The following PAPOLA variants were observed in gnomAD, a reference collection of about 807,000 sequenced individuals.
PAPOLA encodes polynucleotide adenylyltransferase alpha.
In PAPOLA, 15 loss-of-function variants were observed where a neutral mutation model predicts 100.6. The ratio of observed to expected loss-of-function variants is 0.15; its 90% CI spans 0.10 to 0.23. The LOEUF (loss-of-function observed/expected upper bound fraction) is 0.23, where lower values mean the gene tolerates loss of function less well. Among genes scored for constraint, PAPOLA ranks in the 10% least tolerant of loss-of-function variants. PAPOLA has a pLI of 1.00. For synonymous variants in PAPOLA, 293 were observed against 300.0 expected (o/e 0.98, Z 0.24); for missense variants, 533 against 884.2 (o/e 0.60, Z 5.04).
In PAPOLA at chr14:96,542,936, T is replaced by G. The variant is rs770744279; in HGVS notation, c.1289+43T>G. 2.1e-5 allele frequency: 33 copies of G among 1,601,774 alleles called. No individual in the cohort carries two copies. The South Asian group carries it at 3.5e-4, about 17-fold the overall frequency. On this transcript the variant is annotated intron_variant, in intron 14 of 21. Transcript: ENST00000216277. ...TTAATTTCTTCTTCCCATTTCCAAT[T>G]TTTATTCATAGAAGCTTTTACAGGC... is the stretch of plus-strand genomic sequence containing the variant.
chr14:96,516,704 A>T (rs1897496153), intron 1 of PAPOLA, among the ~76,000 whole-genome samples: 1 of 152,208 alleles, frequency 6.6e-6, no homozygotes, highest in African/African-American at 2.4e-5. Context: ...AGTAATACTG[A>T]GGCTAGATGA....
At chr14:96,561,934 G>C (rs555524805) in intron 20 of PAPOLA, among the ~76,000 whole-genome samples, 3 of 148,560 alleles carry the variant, frequency 2.0e-5, no homozygotes, top group African/African-American at 7.5e-5. Context: ...TTGCTCTGTC[G>C]CCCAGGCTGG....
At chr14:96,546,117 C>T (rs777449593) in intron 15 of PAPOLA, among the ~76,000 whole-genome samples, 2 of 152,064 alleles carry the variant, frequency 1.3e-5, no homozygotes, top group Admixed American at 1.3e-4. Context: ...CAACCCCTAC[C>T]AGTTTCTTTT....
chr14:96,534,881 A>T (rs1202579178), intron 10 of PAPOLA: 3 of 1,061,340 alleles, frequency 2.8e-6, no homozygotes, highest in East Asian at 1.3e-4. Context: ...AAATAAAAGG[A>T]TACTAAAAAT....
Position 96,533,168 on chromosome 14 carries a change from C to A in PAPOLA, c.836+519C>A, listed in dbSNP as rs561623516. ...AAGGAATTTGAGATTAGTCATTAAC[C>A]CAGATTTTTTTAAGTTTCTTCGTTT... On this transcript the variant is annotated intron_variant, in intron 9 of 21. Transcript: ENST00000216277. 139 of 983,952 alleles carry A rather than the reference C, an allele frequency of 1.4e-4. No homozygotes were observed. The African/African-American group carries it at 2.2e-3, about 15-fold the overall frequency. 61.0% of individuals were successfully genotyped at this position (983,952 alleles called of 1,614,324 possible).
At position 96,528,097 on chromosome 14, in the gene PAPOLA, T is replaced by C. The variant is rs1898652434; in HGVS notation, c.495+91T>C. 7 of 804,482 alleles carry C rather than the reference T, an allele frequency of 8.7e-6. No individual in the cohort carries two copies. The Admixed American group carries it at 1.2e-4, about 14-fold the overall frequency. 49.8% of individuals were successfully genotyped at this position (804,482 alleles called of 1,614,324 possible). ...AAAAACTTGGTTTAAAGTTTATAATTAGTGAGTTGGTTGTGATATTAATAA... is the reference window on the plus strand; with the variant it reads ...AAAAACTTGGTTTAAAGTTTATAATCAGTGAGTTGGTTGTGATATTAATAA... On this transcript the variant is annotated intron_variant, in intron 6 of 21. Transcript: ENST00000216277.
chr14:96,535,515 A>G, intron 10 of PAPOLA: 1 of 989,608 alleles, frequency 1.0e-6, no homozygotes, highest in Non-Finnish European at 1.2e-6. Flanking sequence ...AGCTTACAAA[A>G]CATTGTAGCA....
At chr14:96,535,815 T>G in intron 10 of PAPOLA, 64 bp from the exon 11 acceptor site, 2 of 1,352,140 alleles carry the variant, frequency 1.5e-6, no homozygotes, top group Non-Finnish European at 1.9e-6. Context: ...TAACAAGGGG[T>G]AAAAAGCCCA....
intron 12 of PAPOLA, chr14:96,541,966 T>C (rs1444925963): frequency 1.7e-5 from 4 of 230,182 alleles, no homozygotes; most frequent in Non-Finnish European, 2.6e-5. Context: ...ATCGGTGTCA[T>C]TGAGCAAAAT....
At chr14:96,522,482 CTA>C (rs1353108016) in intron 3 of PAPOLA, among the ~76,000 whole-genome samples, 1 of 151,718 alleles carries the variant, frequency 6.6e-6, no homozygotes, top group African/African-American at 2.4e-5. Context: ...ATGATCTTAG[CTA>C]ACTGTATCCT....
In PAPOLA at chr14:96,527,955, T is replaced by C. The variant is rs1898639507; in HGVS notation, c.444T>C (p.Ala148=). The C allele has an allele frequency of 1.2e-6, 2 of 1,605,012 alleles. No homozygotes were observed. ...KLQEEVKDLR[A]VEEAFVPVIK... Reference sequence around the variant, plus strand: ...GAACTTGTTTACTTTCCTTATAGGCTGTTGAAGAGGCATTCGTACCAGTTA... The same window carrying C: ...GAACTTGTTTACTTTCCTTATAGGCCGTTGAAGAGGCATTCGTACCAGTTA... Residue 148 remains alanine, a splice_region_variant and synonymous_variant, in exon 6 of 22, where the codon GCT becomes GCC. Coordinates refer to ENST00000216277, the MANE Select transcript of PAPOLA (RefSeq NM_032632.5).
rs749864786 is a variant in PAPOLA at position 96,556,202 on chromosome 14, C to A, written c.1793C>A (p.Thr598Asn). Residue 598 changes from threonine to asparagine, a missense_variant, in exon 19 of 22, where the codon ACT becomes AAT. Transcript: ENST00000216277. ...GGTSSESIPQ[T>N]ATQPAISPPP... ...ACATCGAGTGAAAGCATTCCTCAAA[C>A]TGCCACACAACCAGCCATTTCTCCA... The A allele has an allele frequency of 6.2e-7, 1 of 1,614,022 alleles. No homozygotes were observed. The highest frequency in any genetic ancestry group is 8.5e-7 in the Non-Finnish European group (1 of 1,179,988).
intron 1 of PAPOLA, among the ~76,000 whole-genome samples, chr14:96,503,846 T>A (rs1034537324): frequency 2.6e-5 from 4 of 152,202 alleles, no homozygotes; most frequent in Non-Finnish European, 4.4e-5. Flanking sequence ...CAGGTGAGAC[T>A]CTAACTTTGG....
chr14:96,560,596 AAAT>A (rs2140337479), intron 19 of PAPOLA, 50 bp from the exon 20 acceptor site: 1 of 1,199,926 alleles, frequency 8.3e-7, no homozygotes, highest in Non-Finnish European at 1.2e-6. Context: ...ATTGATTGGC[AAAT>A]AATCTAAATT....
At chr14:96,562,955 G>T (rs1025332611) in intron 21 of PAPOLA, 62 bp downstream of exon 21, 2 of 915,892 alleles carry the variant, frequency 2.2e-6, no homozygotes, top group Admixed American at 3.9e-5. Flanking sequence ...GTGGTATATT[G>T]AATTAAAGTG....
At chr14:96,517,767 G>A (rs577376011) in intron 1 of PAPOLA, among the ~76,000 whole-genome samples, 114 of 146,808 alleles carry the variant, frequency 7.8e-4, no homozygotes, top group Non-Finnish European at 1.5e-3. Context: ...GCAGTGGCAC[G>A]ATCTTGGCTT....
At chr14:96,509,810 A>T (rs576638087) in intron 1 of PAPOLA, among the ~76,000 whole-genome samples, 1 of 152,342 alleles carries the variant, frequency 6.6e-6, no homozygotes, top group South Asian at 2.1e-4. Context: ...GACCACTGTT[A>T]TATGTGTGGT....
At chr14:96,504,176 C>T (rs1896548253) in intron 1 of PAPOLA, 1 of 152,098 alleles carries the variant, frequency 6.6e-6, no homozygotes, top group Admixed American at 6.5e-5. Flanking sequence ...ATTTTGCTGT[C>T]TTTGAAAAGG....
Position 96,556,170 on chromosome 14 carries a change from C to T in PAPOLA, c.1766-5C>T. 6.2e-7 allele frequency: 1 copy of T among 1,607,518 alleles called. No individual in the cohort carries two copies. The highest frequency in any genetic ancestry group is 1.1e-5 in the South Asian group (1 of 90,954). On this transcript the variant is annotated splice_region_variant and splice_polypyrimidine_tract_variant and intron_variant, in intron 18 of 21. Transcript: ENST00000216277. Reference sequence around the variant, plus strand: ...TTTGTATATACTCATATATTTGCTGCTTAGGTACATCGAGTGAAAGCATTC... The same window carrying T: ...TTTGTATATACTCATATATTTGCTGTTTAGGTACATCGAGTGAAAGCATTC...
Sources: allele counts gnomAD v4.1 joint callset (sites outside exome capture counted in the v4.1 genomes callset), GRCh38; gene constraint gnomAD v4.1.1; transcripts MANE v1.5; gene names NCBI Gene and HGNC (gene_info 2026-07-23, HGNC 2026-07-21).